The following KCNIP1 variants were observed in gnomAD, a reference collection of about 807,000 sequenced individuals.
KCNIP1 encodes potassium voltage-gated channel interacting protein 1, also known as A-type potassium channel modulatory protein KCNIP1.
Under a neutral mutation model 33.0 loss-of-function variants are expected in KCNIP1, and 18 were observed. That is an observed-to-expected ratio of 0.55 (90% CI 0.38 to 0.81). KCNIP1 has a LOEUF of 0.81. Among genes scored for constraint, KCNIP1 ranks in the 30% least tolerant of loss-of-function variants. The probability of loss-of-function intolerance (pLI) is 0.00; values close to 1 mark genes in which losing one functional copy is unlikely to be tolerated. For synonymous variants in KCNIP1, 93 were observed against 98.3 expected (o/e 0.95, Z 0.32); for missense variants, 238 against 271.6 (o/e 0.88, Z 0.87).
At chr5:170,532,906 G>T (rs1220076778) in intron 1 of KCNIP1, among the ~76,000 whole-genome samples, 1 of 152,176 alleles carries the variant, frequency 6.6e-6, no homozygotes, top group African/African-American at 2.4e-5. Context: ...TTATGCAAAG[G>T]CCAGAGGAGG....
At chr5:170,608,640 T>C (rs980494907) in intron 1 of KCNIP1, among the ~76,000 whole-genome samples, 2 of 151,900 alleles carry the variant, frequency 1.3e-5, no homozygotes, top group Non-Finnish European at 2.9e-5. Context: ...GGTGTGGTGA[T>C]GGGCACCAGT....
intron 1 of KCNIP1, among the ~76,000 whole-genome samples, chr5:170,510,123 C>T (rs1754877873): frequency 6.6e-6 from 1 of 152,198 alleles, no homozygotes; most frequent in Non-Finnish European, 1.5e-5. Flanking sequence ...TCTTTCAAGG[C>T]CTCATTCAAT....
intron 1 of KCNIP1, among the ~76,000 whole-genome samples, chr5:170,607,302 A>G (rs1349252619): frequency 6.6e-6 from 1 of 152,148 alleles, no homozygotes; most frequent in Non-Finnish European, 1.5e-5. Context: ...TAGAGTAGTG[A>G]TGAAGAGTAA....
intron 1 of KCNIP1, among the ~76,000 whole-genome samples, chr5:170,532,200 T>C (rs1016201405): frequency 9.2e-5 from 14 of 152,366 alleles, no homozygotes; most frequent in Admixed American, 2.0e-4. Context: ...GTCCACACAC[T>C]TGGCTATACA....
chr5:170,725,077 T>C (rs1341563873), intron 5 of KCNIP1, among the ~76,000 whole-genome samples: 1 of 152,184 alleles, frequency 6.6e-6, no homozygotes, highest in Non-Finnish European at 1.5e-5. Context: ...TGGTAGGGAA[T>C]TGGCATAAGG....
chr5:170,386,691 T>A (rs1280546940), intron 1 of KCNIP1, among the ~76,000 whole-genome samples: 2 of 151,668 alleles, frequency 1.3e-5, no homozygotes, highest in Non-Finnish European at 2.9e-5. Context: ...CCGGTGTTTT[T>A]TTTTTTTGTA....
At chr5:170,628,173 T>C (rs564683273) in intron 1 of KCNIP1, among the ~76,000 whole-genome samples, 57 of 152,238 alleles carry the variant, frequency 3.7e-4, no homozygotes, top group African/African-American at 1.3e-3. Context: ...GCTGAGACTA[T>C]TGGGCCTAGC....
At chr5:170,514,551 A>G (rs1755057617) in intron 1 of KCNIP1, among the ~76,000 whole-genome samples, 1 of 152,234 alleles carries the variant, frequency 6.6e-6, no homozygotes, top group Non-Finnish European at 1.5e-5. Context: ...CACCCCACCA[A>G]GGGCTACACA....
intron 1 of KCNIP1, among the ~76,000 whole-genome samples, chr5:170,438,709 C>T (rs527809149): frequency 6.6e-6 from 1 of 152,222 alleles, no homozygotes; most frequent in East Asian, 1.9e-4. Flanking sequence ...TCTTTCTCAC[C>T]CCCAAGCCAT....
chr5:170,624,477 C>T (rs967185579), intron 1 of KCNIP1, among the ~76,000 whole-genome samples: 1 of 152,058 alleles, frequency 6.6e-6, no homozygotes, highest in Non-Finnish European at 1.5e-5. Flanking sequence ...CTCTCGTTTT[C>T]CTTCCTCTCC....
intron 1 of KCNIP1, among the ~76,000 whole-genome samples, chr5:170,565,541 CA>C (rs34224973): frequency 6.6e-6 from 1 of 152,002 alleles, no homozygotes; most frequent in Non-Finnish European, 1.5e-5. Context: ...ATTTATTACC[CA>C]AAAAAATACA....
In KCNIP1 at chr5:170,464,182, T is replaced by C. The variant is rs1007797025; in HGVS notation, c.88+110218T>C. Among the ~76,000 whole-genome samples the C allele has an allele frequency of 5.3e-5, 8 of 152,212 alleles. 1 individual carries two copies. Among genetic ancestry groups the C allele is most frequent in the African/African-American group, 1.9e-4 (8 of 41,458 alleles). On this transcript the variant is annotated intron_variant, in intron 1 of 7. Coordinates refer to the KCNIP1 transcript ENST00000377360. ...AATGCAAAGACATCCATGTTCATGA[T>C]CAGAAGACTTATATTGTTAAGATGG...
At chr5:170,661,051 T>A (rs1256614415) in intron 1 of KCNIP1, among the ~76,000 whole-genome samples, 1 of 152,216 alleles carries the variant, frequency 6.6e-6, no homozygotes, top group Non-Finnish European at 1.5e-5. Flanking sequence ...TTCTGGAAGA[T>A]CTGTTCAGGG....
intron 1 of KCNIP1, among the ~76,000 whole-genome samples, chr5:170,645,847 T>A (rs1166560168): frequency 2.0e-5 from 3 of 151,844 alleles, no homozygotes; most frequent in Non-Finnish European, 4.4e-5. Flanking sequence ...TACTTGGAGA[T>A]TAAACAACAC....
chr5:170,673,840 G>A (rs947276536), intron 1 of KCNIP1, among the ~76,000 whole-genome samples: 3 of 152,100 alleles, frequency 2.0e-5, no homozygotes, highest in Non-Finnish European at 4.4e-5. Flanking sequence ...TTTTTAATCT[G>A]TAAAATGGTG....
chr5:170,432,949 C>T (rs1054577199), intron 1 of KCNIP1, among the ~76,000 whole-genome samples: 1 of 152,000 alleles, frequency 6.6e-6, no homozygotes, highest in African/African-American at 2.4e-5. Flanking sequence ...CTGGTCTAAG[C>T]GATCAGGGAA....
intron 1 of KCNIP1, among the ~76,000 whole-genome samples, chr5:170,677,073 G>A (rs935725170): frequency 1.3e-5 from 2 of 152,054 alleles, no homozygotes; most frequent in South Asian, 2.1e-4. Flanking sequence ...TTGTCCATGG[G>A]GCCCAGCTGA....
chr5:170,396,098 C>A (rs1255252877), intron 1 of KCNIP1, among the ~76,000 whole-genome samples: 1 of 152,118 alleles, frequency 6.6e-6, no homozygotes, highest in African/African-American at 2.4e-5. Flanking sequence ...AGCTGTTTTG[C>A]CAGCACACCA....
At chr5:170,368,021 T>G (rs1763741359) in intron 1 of KCNIP1, among the ~76,000 whole-genome samples, 1 of 152,222 alleles carries the variant, frequency 6.6e-6, no homozygotes, top group African/African-American at 2.4e-5. Flanking sequence ...TTCATCTGTC[T>G]GATGGAACAA....
Sources: gnomAD v4.1 joint callset for allele counts (sites outside exome capture counted in the v4.1 genomes callset) on GRCh38, gnomAD v4.1.1 for gene constraint, MANE v1.5 for transcripts, NCBI Gene and HGNC (gene_info 2026-07-23, HGNC 2026-07-21) for gene names.